Variants in ATXN10 observed in about 807,000 individuals in gnomAD.
ATXN10 encodes ataxin-10.
In ATXN10, 28 loss-of-function variants were observed where a neutral mutation model predicts 52.9. The observed-to-expected ratio is 0.53, with a 90% confidence interval of 0.39 to 0.73. ATXN10 has a LOEUF of 0.73. ATXN10 is among the 30% of genes least tolerant of loss of function. The pLI is 0.00. For synonymous variants in ATXN10, 226 were observed against 221.5 expected (o/e 1.02, Z -0.18); for missense variants, 565 against 577.0 (o/e 0.98, Z 0.21).
At chr22:45,741,796 G>A (rs1601617679) in intron 9 of ATXN10, among the ~76,000 whole-genome samples, 1 of 152,164 alleles carries the variant, frequency 6.6e-6, no homozygotes, top group East Asian at 1.9e-4. Flanking sequence ...ACAAAAAATA[G>A]CCATGTGAAG....
chr22:45,713,916 G>A (rs1465293042), intron 5 of ATXN10, among the ~76,000 whole-genome samples: 1 of 152,060 alleles, frequency 6.6e-6, no homozygotes, highest in Admixed American at 6.6e-5. Context: ...GATTGTTTCC[G>A]TTTTTTCACG....
At chr22:45,822,594 G>A (rs1375060356) in intron 10 of ATXN10, among the ~76,000 whole-genome samples, 2 of 137,962 alleles carry the variant, frequency 1.4e-5, no homozygotes, top group Admixed American at 7.9e-5. Flanking sequence ...GCAGTGGCAC[G>A]ATCTCGGCTC....
At chr22:45,802,606 T>C (rs565139773) in intron 9 of ATXN10, among the ~76,000 whole-genome samples, 40 of 152,336 alleles carry the variant, frequency 2.6e-4, no homozygotes, top group Non-Finnish European at 4.7e-4. Context: ...CTATAAATGG[T>C]TCCCTTGTAT....
intron 3 of ATXN10, among the ~76,000 whole-genome samples, chr22:45,695,357 C>T (rs574402470): frequency 5.3e-5 from 8 of 151,218 alleles, no homozygotes; most frequent in African/African-American, 1.9e-4. Flanking sequence ...ATTGTAATAA[C>T]GTCTTTACCT....
chr22:45,816,229 G>A lies in ATXN10; in HGVS notation c.1237+9207G>A, dbSNP rs941820458. On this transcript the variant is annotated intron_variant, in intron 10 of 11. Transcript: ENST00000252934. This position sits in a 1 kb window ranked among gnomAD's most constrained non-coding sequence, Gnocchi z 5.8. The stretch of plus-strand genomic sequence containing the variant: ...GATTGTGTCATTGGCACGCCAGCCT[G>A]GGTGTTGCAGCAAGACTCTATCTAA... 1.3e-5 allele frequency among the ~76,000 whole-genome samples: 2 copies of A among 152,094 alleles called. No individual in the cohort carries two copies. Among genetic ancestry groups the A allele is most frequent in the African/African-American group, 4.8e-5 (2 of 41,430 alleles).
chr22:45,760,004 G>A (rs149113290), intron 9 of ATXN10, among the ~76,000 whole-genome samples: 107 of 152,284 alleles, frequency 7.0e-4, no homozygotes, highest in African/African-American at 2.3e-3. Flanking sequence ...GGGGAATGAT[G>A]GCCCTAAGAA....
At chr22:45,742,683 A>G (rs1925582985) in intron 9 of ATXN10, among the ~76,000 whole-genome samples, 2 of 152,172 alleles carry the variant, frequency 1.3e-5, no homozygotes, top group Non-Finnish European at 1.5e-5. Flanking sequence ...TAGGATGCTA[A>G]ATGTTAGGGT....
intron 8 of ATXN10, 111 bp downstream of exon 8, chr22:45,738,950 G>A: frequency 2.0e-6 from 2 of 1,019,678 alleles, no homozygotes; most frequent in Admixed American, 1.9e-5. Context: ...TGGGAATTTT[G>A]TGAATATATT....
rs1174615127 is a variant in ATXN10, at chr22:45,690,674, T to G, written c.308+771T>G. On this transcript the variant is annotated intron_variant, in intron 2 of 11. Coordinates refer to ENST00000252934, the MANE Select transcript of ATXN10 (RefSeq NM_013236.4). The surrounding 1 kb of genome is among the most constrained non-coding windows in gnomAD (Gnocchi z 4.5). ...TGACCTGTCTTTCCTAAAGATCATG[T>G]AAAGTTCCAAGCTCTGCTTCCACCT... 6.6e-6 allele frequency among the ~76,000 whole-genome samples: 1 copy of G among 152,220 alleles called. No homozygotes were observed. The highest frequency in any genetic ancestry group is 2.4e-5 in the African/African-American group (1 of 41,466).
At chr22:45,809,098 C>T (rs113664969) in intron 10 of ATXN10, among the ~76,000 whole-genome samples, 2,089 of 152,132 alleles carry the variant, frequency 0.014, 28 homozygotes, top group South Asian at 0.02. Flanking sequence ...TGGTCAGAAA[C>T]GAAAAAGCCT....
At position 45,842,895 on chromosome 22, in the gene ATXN10, C is replaced by A; in HGVS notation, c.1238-96C>A. On this transcript the variant is annotated intron_variant, in intron 10 of 11. Coordinates refer to ENST00000252934, the MANE Select transcript of ATXN10 (RefSeq NM_013236.4). This position sits in a 1 kb window ranked among gnomAD's most constrained non-coding sequence, Gnocchi z 4.8. ...ACTTGTGGATTGATACTGGATGTTC[C>A]GTGTTTCTGTGCTCCTCTACTCCTT... The A allele has an allele frequency of 7.5e-7, 1 of 1,327,944 alleles. No homozygotes were observed. Among genetic ancestry groups the A allele is most frequent in the Non-Finnish European group, 1.1e-6 (1 of 925,088 alleles). 82.3% of individuals were successfully genotyped at this position (1,327,944 alleles called of 1,614,324 possible). A position where few individuals can be genotyped will look rare whatever the true frequency, so the allele number is the denominator to read the frequency against.
chr22:45,681,702 CACTTTA>C lies in ATXN10; in HGVS notation c.117-8005_117-8000del, dbSNP rs1422549230. Among the ~76,000 whole-genome samples, 3 of 152,210 alleles carry C rather than the reference CACTTTA, an allele frequency of 2.0e-5. No individual in the cohort carries two copies. Among genetic ancestry groups the C allele is most frequent in the Non-Finnish European group, 4.4e-5 (3 of 68,038 alleles). ...AACATACAGCCGTGCAGACTGCTCT[CACTTTA>C]ACTTGCTGATCACTAACTAACGTGG... On this transcript the variant is annotated intron_variant, in intron 1 of 11. Transcript: ENST00000252934. The surrounding 1 kb of genome is among the most constrained non-coding windows in gnomAD (Gnocchi z 4.2).
rs1451593221 is a variant in ATXN10 at position 45,715,835 on chromosome 22, C to T, written c.648-2578C>T. On this transcript the variant is annotated intron_variant, in intron 5 of 11. Transcript: ENST00000252934. The surrounding 1 kb of genome is among the most constrained non-coding windows in gnomAD (Gnocchi z 4.4). Reference sequence around the variant, plus strand: ...AGGGATTGAAATCATAGAGCACATTCTCTTACTCATAAGATGATTTCTAGA... The same window carrying T: ...AGGGATTGAAATCATAGAGCACATTTTCTTACTCATAAGATGATTTCTAGA... 6.6e-6 allele frequency among the ~76,000 whole-genome samples: 1 copy of T among 152,202 alleles called. No individual in the cohort carries two copies. Among genetic ancestry groups the T allele is most frequent in the Non-Finnish European group, 1.5e-5 (1 of 68,040 alleles).
At position 45,770,671 on chromosome 22, in the gene ATXN10, G is replaced by A. The variant is rs983420872; in HGVS notation, c.1173+30133G>A. ...ACTGATGGTTCTCGGCCTGTCTGAG[G>A]CAACAAACTTGTAAGCATGATAGCT... is the stretch of plus-strand genomic sequence containing the variant. On this transcript the variant is annotated intron_variant, in intron 9 of 11. Coordinates refer to ENST00000252934, the MANE Select transcript of ATXN10 (RefSeq NM_013236.4). This position sits in a 1 kb window ranked among gnomAD's most constrained non-coding sequence, Gnocchi z 4.5. Among the ~76,000 whole-genome samples the A allele has an allele frequency of 6.6e-6, 1 of 152,188 alleles. No homozygotes were observed. The highest frequency in any genetic ancestry group is 1.5e-5 in the Non-Finnish European group (1 of 68,026).
chr22:45,735,194 AT>A (rs1925245984), intron 7 of ATXN10, among the ~76,000 whole-genome samples: 1 of 152,126 alleles, frequency 6.6e-6, no homozygotes. Flanking sequence ...GTATTTTAAT[AT>A]AAACATTTAA....
Position 45,774,325 on chromosome 22 carries a change from T to C in ATXN10, c.1174-32634T>C, listed in dbSNP as rs1926877725. Reference sequence around the variant, plus strand: ...TGCACCTGTCTGGAATGGCAGCCTGTCCCTACCAGTCCCTGCATCGCTATT... The same window carrying C: ...TGCACCTGTCTGGAATGGCAGCCTGCCCCTACCAGTCCCTGCATCGCTATT... On this transcript the variant is annotated intron_variant, in intron 9 of 11. Coordinates refer to ENST00000252934, the MANE Select transcript of ATXN10 (RefSeq NM_013236.4). The surrounding 1 kb of genome is among the most constrained non-coding windows in gnomAD (Gnocchi z 6.2). 6.6e-6 allele frequency among the ~76,000 whole-genome samples: 1 copy of C among 152,226 alleles called. No individual in the cohort carries two copies. Among genetic ancestry groups the C allele is most frequent in the African/African-American group, 2.4e-5 (1 of 41,456 alleles).
rs374685752 is a variant in ATXN10, at chr22:45,789,009, G to T, written c.1174-17950G>T. ...TCACCCCCAAGATACAGATTAAGTT[G>T]GCATGAGGTGGGGCCAAGACATGGG... On this transcript the variant is annotated intron_variant, in intron 9 of 11. Transcript: ENST00000252934. The surrounding 1 kb of genome is among the most constrained non-coding windows in gnomAD (Gnocchi z 4.0). 3.3e-5 allele frequency among the ~76,000 whole-genome samples: 5 copies of T among 152,152 alleles called. No individual in the cohort carries two copies. The East Asian group carries it at 7.7e-4, about 24-fold the overall frequency.
chr22:45,721,990 CAG>C (rs1314263608), intron 6 of ATXN10, among the ~76,000 whole-genome samples: 2 of 152,118 alleles, frequency 1.3e-5, no homozygotes, highest in African/African-American at 2.4e-5. Context: ...TGTATTTAAT[CAG>C]GGGAGAATTA....
intron 9 of ATXN10, among the ~76,000 whole-genome samples, chr22:45,773,389 CCTT>C (rs1203754455): frequency 6.6e-6 from 1 of 151,828 alleles, no homozygotes; most frequent in Non-Finnish European, 1.5e-5. Context: ...TCCCTGCCTG[CCTT>C]CTTCTCTGTG....
Sources: gnomAD v4.1 joint callset for allele counts (sites outside exome capture counted in the v4.1 genomes callset) on GRCh38, gnomAD v4.1.1 for gene constraint, Gnocchi (gnomAD v3.1) non-coding constraint, MANE v1.5 for transcripts, NCBI Gene and HGNC (gene_info 2026-07-23, HGNC 2026-07-21) for gene names.